The following AGBL1 variants were observed in gnomAD, a reference collection of about 807,000 sequenced individuals.
AGBL1 encodes cytosolic carboxypeptidase 4.
Under a neutral mutation model 118.9 loss-of-function variants are expected in AGBL1, and 130 were observed. The ratio of observed to expected loss-of-function variants is 1.09; its 90% CI spans 0.95 to 1.26. AGBL1 has a LOEUF of 1.26. Ranked by LOEUF, AGBL1 falls within the 50% of genes most tolerant of loss-of-function variation. The pLI is 0.00. For missense variants in AGBL1, 1,584 were observed against 1,298.1 expected, an observed-to-expected ratio of 1.22 and a Z score of -3.38; for synonymous variants, 555 against 478.9, an observed-to-expected ratio of 1.16 and a Z score of -2.08.
intron 6 of AGBL1, among the ~76,000 whole-genome samples, chr15:86,236,734 G>T (rs1231575058): frequency 6.6e-6 from 1 of 151,906 alleles, no homozygotes; most frequent in Non-Finnish European, 1.5e-5. Context: ...CTCCAAAGCC[G>T]AGAGAGGAAA....
intron 21 of AGBL1, among the ~76,000 whole-genome samples, chr15:86,568,959 A>C (rs1403764119): frequency 6.6e-6 from 1 of 152,074 alleles, no homozygotes; most frequent in Non-Finnish European, 1.5e-5. Context: ...AATAATTCCT[A>C]GTATGAGATA....
chr15:86,545,563 C>A (rs186933379), intron 19 of AGBL1, among the ~76,000 whole-genome samples: 1 of 152,206 alleles, frequency 6.6e-6, no homozygotes, highest in East Asian at 1.9e-4. Context: ...ACTCTCCACA[C>A]TCTGAAATGC....
intron 19 of AGBL1, among the ~76,000 whole-genome samples, chr15:86,529,961 C>T (rs769701661): frequency 0.023 from 3,188 of 137,628 alleles, 74 homozygotes; most frequent in Middle Eastern, 0.067. Context: ...GAAGGAAGTG[C>T]TAAACATGGA....
At chr15:86,842,368 ATCAAACCT>A (rs1167186692) in intron 22 of AGBL1, among the ~76,000 whole-genome samples, 1 of 152,172 alleles carries the variant, frequency 6.6e-6, no homozygotes, top group Non-Finnish European at 1.5e-5. Context: ...ACTCTAATAA[ATCAAACCT>A]TTGAAACCTG....
intron 22 of AGBL1, among the ~76,000 whole-genome samples, chr15:86,818,298 C>A (rs2078893799): frequency 6.6e-6 from 1 of 152,170 alleles, no homozygotes; most frequent in Non-Finnish European, 1.5e-5. Context: ...CCAGGCCACA[C>A]AACAGGAGGT....
chr15:86,896,543 C>T (rs899235018), intron 22 of AGBL1, among the ~76,000 whole-genome samples: 7 of 152,030 alleles, frequency 4.6e-5, no homozygotes, highest in African/African-American at 1.7e-4. Flanking sequence ...TATATTTTGT[C>T]AACATTTTCC....
intron 17 of AGBL1, among the ~76,000 whole-genome samples, chr15:86,326,367 C>CT (rs2080183336): frequency 6.6e-6 from 1 of 152,064 alleles, no homozygotes; most frequent in Non-Finnish European, 1.5e-5. Context: ...CCATTACATT[C>CT]TTTTTTTACT....
intron 5 of AGBL1, among the ~76,000 whole-genome samples, chr15:86,181,631 T>A (rs2141793890): frequency 6.6e-6 from 1 of 152,092 alleles, no homozygotes; most frequent in South Asian, 2.1e-4. Flanking sequence ...ACATGAAATC[T>A]CATCAAGTTA....
intron 22 of AGBL1, among the ~76,000 whole-genome samples, chr15:86,801,621 A>G (rs907435501): frequency 2.6e-5 from 4 of 152,086 alleles, no homozygotes; most frequent in African/African-American, 9.7e-5. Flanking sequence ...GTGTATCTCT[A>G]TAACTTATCT....
intron 5 of AGBL1, among the ~76,000 whole-genome samples, chr15:86,212,830 A>G (rs937679225): frequency 3.3e-5 from 5 of 152,062 alleles, no homozygotes; most frequent in Non-Finnish European, 5.9e-5. Context: ...TTGTATTTTT[A>G]GTAGAGACAG....
chr15:86,726,637 C>A (rs937190377), intron 22 of AGBL1, among the ~76,000 whole-genome samples: 2 of 152,174 alleles, frequency 1.3e-5, no homozygotes, highest in African/African-American at 4.8e-5. Flanking sequence ...TCACTACTTA[C>A]TGCAGCCTCA....
At position 86,240,793 on chromosome 15, in the gene AGBL1, G is replaced by A. The variant is rs947439289; in HGVS notation, c.527-6878G>A. Among the ~76,000 whole-genome samples, 10 of 152,298 alleles carry A rather than the reference G, an allele frequency of 6.6e-5. 1 individual carries two copies. The Middle Eastern group carries it at 0.027, about 414-fold the overall frequency. On this transcript the variant is annotated intron_variant, in intron 6 of 22. Transcript: ENST00000614907. ...GCAACAATTGTTTGGGGTAGAATATGTCACGGTACTCTGTATAGCTGGAGG... is the reference window on the plus strand; with the variant it reads ...GCAACAATTGTTTGGGGTAGAATATATCACGGTACTCTGTATAGCTGGAGG...
intron 18 of AGBL1, among the ~76,000 whole-genome samples, chr15:86,499,513 T>C (rs141935661): frequency 7.7e-4 from 117 of 151,982 alleles, no homozygotes; most frequent in African/African-American, 2.5e-3. Flanking sequence ...GTGGAAAGGA[T>C]TACCACAAAG....
chr15:86,130,568 C>T (rs1472187402), intron 1 of AGBL1, among the ~76,000 whole-genome samples: 6 of 152,148 alleles, frequency 3.9e-5, no homozygotes, highest in African/African-American at 1.4e-4. Flanking sequence ...TCTCTATTCT[C>T]TATCATGTAA....
chr15:86,782,691 G>T (rs2078351812), intron 22 of AGBL1, among the ~76,000 whole-genome samples: 3 of 152,108 alleles, frequency 2.0e-5, no homozygotes, highest in Admixed American at 6.5e-5. Flanking sequence ...ATTCAGGATC[G>T]ATCAAGGTAG....
intron 5 of AGBL1, among the ~76,000 whole-genome samples, chr15:86,203,702 ATTTG>A (rs756689737): frequency 3.3e-5 from 5 of 152,062 alleles, no homozygotes; most frequent in Admixed American, 6.6e-5. Flanking sequence ...TTGTTGAGGT[ATTTG>A]TTTGACTGGT....
chr15:86,462,314 A>G (rs2082344301), intron 18 of AGBL1, among the ~76,000 whole-genome samples: 1 of 152,136 alleles, frequency 6.6e-6, no homozygotes. Flanking sequence ...TCTGTCATCT[A>G]CACAGACAAG....
intron 23 of AGBL1, among the ~76,000 whole-genome samples, chr15:86,925,720 C>CT (rs375125663): frequency 0.031 from 4,107 of 131,910 alleles, 152 homozygotes; most frequent in African/African-American, 0.088. Context: ...TTTTTCTTTT[C>CT]TTTTTTTTTT....
At chr15:86,249,212 C>T (rs2078769080) in intron 7 of AGBL1, among the ~76,000 whole-genome samples, 2 of 152,140 alleles carry the variant, frequency 1.3e-5, no homozygotes. Context: ...ATGTTGCACA[C>T]ACATTATGTT....
Sources: gnomAD v4.1 joint callset for allele counts (sites outside exome capture counted in the v4.1 genomes callset) on GRCh38, gnomAD v4.1.1 for gene constraint, MANE v1.5 for transcripts, NCBI Gene and HGNC (gene_info 2026-07-23, HGNC 2026-07-21) for gene names.